PSD3: variants seen among roughly 807,000 people sequenced by gnomAD.
PSD3 encodes PH and SEC7 domain-containing protein 3.
In PSD3, 49 loss-of-function variants were observed where a neutral mutation model predicts 105.5. The observed-to-expected ratio is 0.46, with a 90% confidence interval of 0.37 to 0.59. The LOEUF is 0.59. PSD3 is among the 20% of genes least tolerant of loss of function. The pLI, the probability that PSD3 is intolerant of heterozygous loss-of-function variation, is 0.00. For missense variants in PSD3, 1,561 were observed against 1,263.8 expected (o/e 1.24, Z -3.57); for synonymous variants, 557 against 457.8 (o/e 1.22, Z -2.77).
chr8:18,892,498 C>T (rs554260405), intron 2 of PSD3, among the ~76,000 whole-genome samples: 3 of 152,264 alleles, frequency 2.0e-5, no homozygotes, highest in African/African-American at 4.8e-5. Flanking sequence ...GCTGGGATTA[C>T]AGGCGTGAGC....
chr8:18,717,078 C>T (rs1164901117), intron 9 of PSD3, among the ~76,000 whole-genome samples: 2 of 152,112 alleles, frequency 1.3e-5, no homozygotes, highest in Admixed American at 6.5e-5. Flanking sequence ...GAAACAAAAA[C>T]GAAATTAGCT....
In PSD3 at chr8:18,874,161, T is replaced by G. The variant is rs183848220; in HGVS notation, c.131-1428A>C. Among the ~76,000 whole-genome samples, 32 of 152,116 alleles carry G rather than the reference T, an allele frequency of 2.1e-4. 4 individuals are homozygous for G. Among genetic ancestry groups the G allele is most frequent in the African/African-American group, 7.7e-4 (32 of 41,488 alleles). ...TTGTTACCATTTTTATTTTATTTTA[T>G]TTTATTTTATTTATTTATTGAGATG... On this transcript the variant is annotated intron_variant, in intron 2 of 15. Coordinates refer to ENST00000327040, the MANE Select transcript of PSD3 (RefSeq NM_015310.4).
chr8:18,535,708 C>G lies in PSD3; in HGVS notation c.*35G>C, dbSNP rs1408385385. Reference sequence around the variant, plus strand: ...AAAGATCTTGAAAAACCCTATTTTGCTCCATGACCAGCACTTCCTGGCCGC... The same window carrying G: ...AAAGATCTTGAAAAACCCTATTTTGGTCCATGACCAGCACTTCCTGGCCGC... On this transcript the variant is annotated 3_prime_UTR_variant, in exon 16 of 16. Coordinates refer to ENST00000327040, the MANE Select transcript of PSD3 (RefSeq NM_015310.4). 1 of 1,522,500 alleles carries G rather than the reference C, an allele frequency of 6.6e-7. No homozygotes were observed. Among genetic ancestry groups the G allele is most frequent in the African/African-American group, 1.4e-5 (1 of 72,944 alleles). 94.3% of individuals were successfully genotyped at this position (1,522,500 alleles called of 1,614,324 possible).
chr8:18,808,398 G>T (rs907487574), intron 4 of PSD3, among the ~76,000 whole-genome samples: 1 of 152,080 alleles, frequency 6.6e-6, no homozygotes, highest in Non-Finnish European at 1.5e-5. Context: ...AAATACAAGA[G>T]GCTTATTCTA....
At chr8:19,002,923 G>C (rs970565193) in intron 1 of PSD3, among the ~76,000 whole-genome samples, 5 of 151,976 alleles carry the variant, frequency 3.3e-5, no homozygotes, top group Admixed American at 3.3e-4. Flanking sequence ...CGTTTAATAG[G>C]TGTGTGACTT....
chr8:18,757,634 A>C (rs530981057), intron 9 of PSD3, among the ~76,000 whole-genome samples: 10 of 152,336 alleles, frequency 6.6e-5, no homozygotes, highest in African/African-American at 2.4e-4. Context: ...TATTTCCTTC[A>C]ATACTGTCAC....
chr8:18,868,187 A>G (rs1158309952), intron 3 of PSD3, 118 bp from the exon 4 acceptor site: 3 of 1,139,314 alleles, frequency 2.6e-6, no homozygotes, highest in East Asian at 2.4e-5. Flanking sequence ...TCATTGACTT[A>G]TATCTTAACA....
In PSD3 at chr8:18,816,138, C is replaced by T. The variant is rs142088507; in HGVS notation, c.1635-11240G>A. Among the ~76,000 whole-genome samples, 13 of 152,216 alleles carry T rather than the reference C, an allele frequency of 8.5e-5. No homozygotes were observed. In the East Asian group the frequency reaches 2.3e-3, roughly 27 times the overall value. On this transcript the variant is annotated intron_variant, in intron 4 of 15. Transcript: ENST00000327040. ...AGGGGACGTTTCCACTCTTTAGTAC[C>T]CAATATGAATGAATTAGTAATAATA...
chr8:18,903,449 G>A (rs1819642799), intron 2 of PSD3, among the ~76,000 whole-genome samples: 1 of 152,058 alleles, frequency 6.6e-6, no homozygotes, highest in East Asian at 1.9e-4. Flanking sequence ...GTGGGGTCAG[G>A]AAATAGCACA....
At chr8:18,878,670 T>G (rs940076094) in intron 2 of PSD3, among the ~76,000 whole-genome samples, 1 of 152,184 alleles carries the variant, frequency 6.6e-6, no homozygotes, top group Non-Finnish European at 1.5e-5. Flanking sequence ...TTTCAACACC[T>G]AAACCAAATC....
intron 9 of PSD3, among the ~76,000 whole-genome samples, chr8:18,657,116 C>T (rs1307618407): frequency 6.6e-6 from 1 of 152,178 alleles, no homozygotes; most frequent in Admixed American, 6.5e-5. Context: ...GTCATCTAAC[C>T]TCTTGTCTTT....
At chr8:18,979,587 A>T (rs940206323) in intron 1 of PSD3, 1 of 152,224 alleles carries the variant, frequency 6.6e-6, no homozygotes, top group Non-Finnish European at 1.5e-5. Context: ...TTTATATTAA[A>T]TAAATCATGC....
intron 1 of PSD3, among the ~76,000 whole-genome samples, chr8:19,001,242 G>A (rs60929801): frequency 0.35 from 52,636 of 151,288 alleles, 10,015 homozygotes; most frequent in Middle Eastern, 0.58. Context: ...CTACAGGCTC[G>A]CACCATCACA....
intron 9 of PSD3, among the ~76,000 whole-genome samples, chr8:18,667,188 T>C (rs1799520623): frequency 6.6e-6 from 1 of 152,172 alleles, no homozygotes; most frequent in African/African-American, 2.4e-5. Flanking sequence ...ATCCTGCTGA[T>C]TGGTCCATTT....
intron 8 of PSD3, among the ~76,000 whole-genome samples, chr8:18,798,000 C>T (rs1250003340): frequency 2.6e-5 from 4 of 152,110 alleles, no homozygotes; most frequent in Non-Finnish European, 5.9e-5. Context: ...CTGTTATCAC[C>T]AAACAGCCAG....
chr8:18,808,993 C>G (rs2638654), intron 4 of PSD3: 284,408 of 1,280,658 alleles, frequency 0.22, 33,387 homozygotes, highest in African/African-American at 0.37. Flanking sequence ...ATAAAAACAG[C>G]AGCCAGAACA....
chr8:18,995,292 C>G (rs1307928465), intron 1 of PSD3, among the ~76,000 whole-genome samples: 1 of 152,110 alleles, frequency 6.6e-6, no homozygotes, highest in Non-Finnish European at 1.5e-5. Context: ...GCAAATGAAA[C>G]TTGGCCTAGT....
At chr8:18,886,018 G>A (rs1436342711) in intron 2 of PSD3, among the ~76,000 whole-genome samples, 1 of 152,030 alleles carries the variant, frequency 6.6e-6, no homozygotes, top group Non-Finnish European at 1.5e-5. Context: ...CAGATGGAAA[G>A]CAGTTTGAGC....
intron 1 of PSD3, among the ~76,000 whole-genome samples, chr8:19,075,653 C>G (rs1829442669): frequency 6.6e-6 from 1 of 152,148 alleles, no homozygotes; most frequent in South Asian, 2.1e-4. Context: ...TCACTTTTTT[C>G]CTTAAATTAC....
Sources: allele counts gnomAD v4.1 joint callset (sites outside exome capture counted in the v4.1 genomes callset), GRCh38; gene constraint gnomAD v4.1.1; transcripts MANE v1.5; gene names NCBI Gene and HGNC (gene_info 2026-07-23, HGNC 2026-07-21).